The following KCNAB3 variants were observed in gnomAD, a reference collection of about 807,000 sequenced individuals.
KCNAB3 encodes voltage-gated potassium channel subunit beta-3.
KCNAB3 carries 62 observed loss-of-function variants against 67.7 expected under a neutral mutation model. The observed-to-expected ratio is 0.92, with a 90% CI of 0.75 to 1.13. The LOEUF (loss-of-function observed/expected upper bound fraction) is 1.13, where lower values mean the gene tolerates loss of function less well. Ranked by LOEUF, KCNAB3 falls within the 50% of genes most tolerant of loss-of-function variation. KCNAB3 has a pLI of 0.00. For synonymous variants in KCNAB3, 212 were observed against 205.4 expected (o/e 1.03, Z -0.27); for missense variants, 514 against 522.9 (o/e 0.98, Z 0.17).
chr17:7,927,673 G>T lies in KCNAB3; in HGVS notation c.308C>A (p.Ser103Tyr), dbSNP rs1452773800. The part of the protein sequence containing the change: ...LGLGTWVTFG[S>Y]QISDETAEDV... ...AACTTATACCTCATCTGAGATCTGA[G>T]AACCAAATGTGACCCAGGTACCTGC... The change falls in exon 3 of 14, where the codon TCT becomes TAT. Residue 103 changes from serine (S) to tyrosine (Y), a missense_variant. By Grantham distance (144) the Ser-to-Tyr change is moderately radical. Coordinates refer to ENST00000303790, the MANE Select transcript of KCNAB3 (RefSeq NM_004732.4). 6.2e-7 allele frequency: 1 copy of T among 1,613,948 alleles called. No homozygotes were observed. The highest frequency in any genetic ancestry group is 8.5e-7 in the Non-Finnish European group (1 of 1,180,026).
At position 7,922,105 on chromosome 17, in the gene KCNAB3, A is replaced by G; in HGVS notation, c.*997T>C. On this transcript the variant is annotated 3_prime_UTR_variant, in exon 14 of 14. Transcript: ENST00000303790. ...AGAAAGCTAATGCTAGCAGATTTCT[A>G]ATGTTAGGGGGCGAGAGGGCCAGAC... The G allele has an allele frequency of 6.6e-6, 1 of 152,226 alleles. No individual in the cohort carries two copies. Among genetic ancestry groups the G allele is most frequent in the East Asian group, 1.9e-4 (1 of 5,188 alleles). The allele number at this position is 152,226 out of a possible 1,614,324, so 9.4% of individuals were successfully genotyped here. A position where few individuals can be genotyped will look rare whatever the true frequency, so the allele number is the denominator to read the frequency against.
At chr17:7,928,003 A>C in intron 1 of KCNAB3, 177 bp from the exon 2 acceptor site, 1 of 683,302 alleles carries the variant, frequency 1.5e-6, no homozygotes, top group Non-Finnish European at 2.5e-6. Flanking sequence ...AGGTCCTAGG[A>C]ATTTTCTCAA....
Position 7,922,807 on chromosome 17 carries a change from G to GTGGTCGCCGTATCATTAAAAA in KCNAB3, c.*294_*295insTTTTTAATGATACGGCGACCA. ...TCGGGAATAAGGGGAGGAGAGTAGG[G>GTGGTCGCCGTATCATTAAAAA]AGCGAGACGAAGTGGCAGAGAGCCG... On this transcript the variant is annotated 3_prime_UTR_variant, in exon 14 of 14. Coordinates refer to ENST00000303790, the MANE Select transcript of KCNAB3 (RefSeq NM_004732.4). 2.0e-6 allele frequency: 1 copy of GTGGTCGCCGTATCATTAAAAA among 506,908 alleles called. No homozygotes were observed. The highest frequency in any genetic ancestry group is 2.4e-5 in the South Asian group (1 of 42,246). The allele number at this position is 506,908 out of a possible 1,614,324, so 31.4% of individuals were successfully genotyped here. A position where few individuals can be genotyped will look rare whatever the true frequency, so the allele number is the denominator to read the frequency against.
chr17:7,925,629 A>G (rs1381208547), intron 7 of KCNAB3, 54 bp downstream of exon 7: 10 of 1,564,064 alleles, frequency 6.4e-6, no homozygotes, highest in Non-Finnish European at 7.0e-6. Context: ...AATGTTCCCT[A>G]CTCCTCTGGC....
rs1972082731 is a variant in KCNAB3 at position 7,922,931 on chromosome 17, A to G, written c.*171T>C. 1.6e-6 allele frequency: 1 copy of G among 644,130 alleles called. No homozygotes were observed. The highest frequency in any genetic ancestry group is 2.8e-6 in the Non-Finnish European group (1 of 357,368). The allele number at this position is 644,130 out of a possible 1,614,324, so 39.9% of individuals were successfully genotyped here. A position where few individuals can be genotyped will look rare whatever the true frequency, so the allele number is the denominator to read the frequency against. On this transcript the variant is annotated 3_prime_UTR_variant, in exon 14 of 14. Coordinates refer to ENST00000303790, the MANE Select transcript of KCNAB3 (RefSeq NM_004732.4). ...TCTCTCTCGACCCCACTGCAAAAGG[A>G]TATGGCTTTGTTCATGCGTATCACT...
chr17:7,927,752 C>T, intron 2 of KCNAB3, 31 bp downstream of exon 2: 1 of 1,614,136 alleles, frequency 6.2e-7, no homozygotes, highest in Non-Finnish European at 8.5e-7. Flanking sequence ...GAAAGAATGC[C>T]CTCCTTTCCT....
Position 7,929,831 on chromosome 17 carries a change from AGCC to A in KCNAB3, c.-399_-397del. ...CCGCTGCGGGACCCGCTGGGCTCCC[AGCC>A]GCGTCGGCAGCGGGCCCAGCTCATC... is the stretch of plus-strand genomic sequence containing the variant. On this transcript the variant is annotated 5_prime_UTR_variant, in exon 1 of 14. Coordinates refer to ENST00000303790, the MANE Select transcript of KCNAB3 (RefSeq NM_004732.4). The surrounding 1 kb of genome is among the most constrained non-coding windows in gnomAD (Gnocchi z 5.7). The A allele has an allele frequency of 2.8e-5, 29 of 1,029,186 alleles. No individual in the cohort carries two copies. The highest frequency in any genetic ancestry group is 1.4e-4 in the South Asian group (4 of 28,544). The allele number at this position is 1,029,186 out of a possible 1,614,324, so 63.8% of individuals were successfully genotyped here. A position where few individuals can be genotyped will look rare whatever the true frequency, so the allele number is the denominator to read the frequency against.
chr17:7,927,929 C>T lies in KCNAB3; in HGVS notation c.243-103G>A, dbSNP rs1396558715. The T allele has an allele frequency of 3.5e-6, 5 of 1,419,682 alleles. No individual in the cohort carries two copies. In the African/African-American group the frequency reaches 7.1e-5, roughly 20 times the overall value. The allele number at this position is 1,419,682 out of a possible 1,614,324, so 87.9% of individuals were successfully genotyped here. A position where few individuals can be genotyped will look rare whatever the true frequency, so the allele number is the denominator to read the frequency against. On this transcript the variant is annotated intron_variant, in intron 1 of 13. Transcript: ENST00000303790. ...TCCAGACTGAGAAGCCCTCAGGTGT[C>T]TCAGTCCAAAGAAATTAGACCCAGT...
In KCNAB3 at chr17:7,929,479, G is replaced by C. The variant is rs774514910; in HGVS notation, c.-44C>G. ...GGGAGGGGGCTCCGAGGGGACGGGA[G>C]GGGGGAGCAGGGAAGCCCGAGGGCT... On this transcript the variant is annotated 5_prime_UTR_variant, in exon 1 of 14. Coordinates refer to ENST00000303790, the MANE Select transcript of KCNAB3 (RefSeq NM_004732.4). This position sits in a 1 kb window ranked among gnomAD's most constrained non-coding sequence, Gnocchi z 5.7. 7.8e-6 allele frequency: 12 copies of C among 1,538,606 alleles called. No homozygotes were observed. The highest frequency in any genetic ancestry group is 5.9e-5 in the Admixed American group (3 of 50,732).
Position 7,922,965 on chromosome 17 carries a change from C to G in KCNAB3, c.*137G>C. 1.3e-6 allele frequency: 1 copy of G among 774,002 alleles called. No homozygotes were observed. The highest frequency in any genetic ancestry group is 2.3e-6 in the Non-Finnish European group (1 of 443,864). 47.9% of individuals were successfully genotyped at this position (774,002 alleles called of 1,614,324 possible). On this transcript the variant is annotated 3_prime_UTR_variant, in exon 14 of 14. Transcript: ENST00000303790. ...TGTTCATGCGTATCACTACTCGAAG[C>G]CGGGACTCGTTGGTGGGCGGGGCTA...
chr17:7,924,221 C>A lies in KCNAB3; in HGVS notation c.756G>T (p.Val252=). ...ACAGATGGTGCTCCGCTTGTTCACA[C>A]ACTGGAGGAATCAGATTGAACTGTC... ...MARQFNLIPP[V]CEQAEHHLFQ... The change falls in exon 10 of 14, where the codon GTG becomes GTT. Residue 252 remains valine, a synonymous_variant. Transcript: ENST00000303790. 1.2e-6 allele frequency: 2 copies of A among 1,614,236 alleles called. No individual in the cohort carries two copies. The highest frequency in any genetic ancestry group is 1.7e-6 in the Non-Finnish European group (2 of 1,180,030).
Position 7,922,667 on chromosome 17 carries a change from C to G in KCNAB3, c.*435G>C, listed in dbSNP as rs556858574. On this transcript the variant is annotated 3_prime_UTR_variant, in exon 14 of 14. Transcript: ENST00000303790. ...CCATTTCCTATGTTCCAGATGACAT[C>G]ACAACTCACTCACTAGGTTATTACC... The G allele has an allele frequency of 2.5e-4, 45 of 180,784 alleles. 2 individuals carry two copies. In the South Asian group the frequency reaches 5.2e-3, roughly 21 times the overall value. The allele number at this position is 180,784 out of a possible 1,614,324, so 11.2% of individuals were successfully genotyped here.
intron 8 of KCNAB3, 65 bp downstream of exon 8, chr17:7,925,032 C>T (rs931239813): frequency 1.4e-6 from 2 of 1,461,248 alleles, no homozygotes; most frequent in East Asian, 4.6e-5. Flanking sequence ...AGGAATGAGC[C>T]ACCGCACCCA....
intron 7 of KCNAB3, chr17:7,925,476 C>G: frequency 1.6e-6 from 1 of 627,950 alleles, no homozygotes; most frequent in South Asian, 1.9e-5. Context: ...TTGCAGTGAG[C>G]CGAGATCGTG....
Position 7,929,304 on chromosome 17 carries a change from C to G in KCNAB3, c.132G>C (p.Pro44=), listed in dbSNP as rs1033543877. The G allele has an allele frequency of 2.7e-5, 43 of 1,567,212 alleles. No homozygotes were observed. Among genetic ancestry groups the G allele is most frequent in the Middle Eastern group, 1.7e-4 (1 of 5,864 alleles). ...GPAGGGHGNP[P]GGGGSGPKAR... is the part of the protein sequence containing the mutation. ...CCTTGGGGCCAGACCCTCCACCCCC[C>G]GGAGGATTCCCGTGCCCCCCGCCGG... Residue 44 remains proline, a synonymous_variant, in exon 1 of 14, where the codon CCG becomes CCC. Transcript: ENST00000303790. The surrounding 1 kb of genome is among the most constrained non-coding windows in gnomAD (Gnocchi z 5.7).
chr17:7,923,160 G>T lies in KCNAB3; in HGVS notation c.1157C>A (p.Pro386Gln). 6.2e-7 allele frequency: 1 copy of T among 1,614,184 alleles called. No individual in the cohort carries two copies. Among genetic ancestry groups the T allele is most frequent in the Non-Finnish European group, 8.5e-7 (1 of 1,180,034 alleles). Residue 386 changes from proline to glutamine, a missense_variant, in exon 14 of 14, where the codon CCG becomes CAG. Coordinates refer to ENST00000303790, the MANE Select transcript of KCNAB3 (RefSeq NM_004732.4). The stretch of plus-strand genomic sequence containing the variant: ...CCCGTCTATTTCCATCACTGTCTGC[G>T]GGGTCAGCTGGCTCAGCACCTGGAG... ...GALQVLSQLTPQTVMEIDGLL... is the reference protein window; with the variant it reads ...GALQVLSQLTQQTVMEIDGLL...
At position 7,922,963 on chromosome 17, in the gene KCNAB3, A is replaced by G; in HGVS notation, c.*139T>C. ...TTTGTTCATGCGTATCACTACTCGA[A>G]GCCGGGACTCGTTGGTGGGCGGGGC... On this transcript the variant is annotated 3_prime_UTR_variant, in exon 14 of 14. Transcript: ENST00000303790. The G allele has an allele frequency of 1.3e-6, 1 of 765,442 alleles. No individual in the cohort carries two copies. The allele number at this position is 765,442 out of a possible 1,614,324, so 47.4% of individuals were successfully genotyped here.
rs991424472 is a variant in KCNAB3, at chr17:7,926,091, G to C, written c.417C>G (p.Thr139=). 1 of 1,613,988 alleles carries C rather than the reference G, an allele frequency of 6.2e-7. No individual in the cohort carries two copies. Among genetic ancestry groups the C allele is most frequent in the African/African-American group, 1.3e-5 (1 of 74,968 alleles). Residue 139 remains threonine, a synonymous_variant, in exon 5 of 14, where the codon ACC becomes ACG. Transcript: ENST00000303790. ...EVYAAGKAER[T]LGNILKSKGW... ...CTTTGCTCTTGAGGATGTTCCCTAG[G>C]GTTCTTTCAGCCCTAAAAGAAACAT...
At chr17:7,925,996 G>C (rs754810465) in intron 5 of KCNAB3, 21 bp from the exon 6 acceptor site, 4 of 1,614,112 alleles carry the variant, frequency 2.5e-6, no homozygotes, top group Non-Finnish European at 3.4e-6. Context: ...AGAAATGGGA[G>C]AACCAGTAAG....
Sources: allele counts gnomAD v4.1 joint callset, GRCh38; gene constraint gnomAD v4.1.1; non-coding constraint Gnocchi (gnomAD v3.1); transcripts MANE v1.5; gene names NCBI Gene and HGNC (gene_info 2026-07-23, HGNC 2026-07-21).